BCAS3: variants seen among roughly 807,000 people sequenced by gnomAD.
BCAS3 encodes the protein BCAS3 microtubule associated cell migration factor, also known as BCAS4/BCAS3 fusion.
In BCAS3, 53 loss-of-function variants were observed where a neutral mutation model predicts 116.1. The ratio of observed to expected loss-of-function variants is 0.46; its 90% confidence interval spans 0.37 to 0.57. The LOEUF is 0.57. BCAS3 is among the 20% of genes least tolerant of loss of function. The pLI is 0.00. For missense variants in BCAS3, 917 were observed against 1,165.4 expected, an observed-to-expected ratio of 0.79 and a Z score of 3.10; for synonymous variants, 391 against 408.2, an observed-to-expected ratio of 0.96 and a Z score of 0.51.
At chr17:60,844,334 A>G (rs977482670) in intron 7 of BCAS3, among the ~76,000 whole-genome samples, 4 of 152,158 alleles carry the variant, frequency 2.6e-5, no homozygotes, top group African/African-American at 7.2e-5. Flanking sequence ...AGTTCCCTCT[A>G]CCATTCTGAG....
chr17:61,190,563 C>G (rs931573559), intron 22 of BCAS3, among the ~76,000 whole-genome samples: 1 of 145,020 alleles, frequency 6.9e-6, no homozygotes, highest in Admixed American at 7.0e-5. Flanking sequence ...CTAGCCTGGG[C>G]TACGTAGTGA....
chr17:61,045,374 G>A (rs1262650293), intron 19 of BCAS3, among the ~76,000 whole-genome samples: 1 of 151,566 alleles, frequency 6.6e-6, no homozygotes, highest in Non-Finnish European at 1.5e-5. Context: ...AGCTGAACAT[G>A]GTGATATGCA....
intron 22 of BCAS3, among the ~76,000 whole-genome samples, chr17:61,291,849 C>T (rs950097716): frequency 2.6e-5 from 4 of 152,074 alleles, no homozygotes; most frequent in Non-Finnish European, 4.4e-5. Flanking sequence ...TATGCACGCC[C>T]GTGCTGCTGT....
chr17:61,166,855 C>T (rs1176423019), intron 22 of BCAS3, among the ~76,000 whole-genome samples: 1 of 152,094 alleles, frequency 6.6e-6, no homozygotes, highest in African/African-American at 2.4e-5. Context: ...GTTGGGACTA[C>T]AGGCATGTGC....
At chr17:61,070,400 T>TATATATATATATATATATATATATATA (rs1555698457) in intron 19 of BCAS3, 1 of 180,728 alleles carries the variant, frequency 5.5e-6, no homozygotes, top group African/African-American at 2.5e-5. Flanking sequence ...TATATATATA[T>TATATATATATATATATATATATATATA]CTTTTCACCA....
At chr17:60,759,999 T>C (rs2043360976) in intron 6 of BCAS3, among the ~76,000 whole-genome samples, 1 of 152,230 alleles carries the variant, frequency 6.6e-6, no homozygotes, top group Non-Finnish European at 1.5e-5. Flanking sequence ...GTATAGCTAG[T>C]GTTGCTCACA....
intron 15 of BCAS3, among the ~76,000 whole-genome samples, chr17:60,999,627 A>G (rs1024323446): frequency 1.3e-5 from 2 of 151,660 alleles, no homozygotes; most frequent in Admixed American, 1.3e-4. Flanking sequence ...TGCTTTGGCT[A>G]TTTGGGCTCT....
At chr17:61,109,162 A>G (rs2074882826) in intron 22 of BCAS3, among the ~76,000 whole-genome samples, 1 of 150,338 alleles carries the variant, frequency 6.7e-6, no homozygotes, top group Admixed American at 6.6e-5. Flanking sequence ...CTCCAGCCTC[A>G]TGACAGGGTG....
rs148683447 is a variant in BCAS3 at position 60,809,536 on chromosome 17, G to A, written c.476+1460G>A. ...GGTTGGTTATAGAGTGTCTTCCAGG[G>A]TGAGAAAGGTTTTGAGGACTAGTAC... On this transcript the variant is annotated intron_variant, in intron 7 of 23. Transcript: ENST00000407086. Among the ~76,000 whole-genome samples, 1,472 of 152,252 alleles carry A rather than the reference G, an allele frequency of 9.7e-3. 30 individuals carry two copies. The highest frequency in any genetic ancestry group is 0.034 in the African/African-American group (1,401 of 41,540).
At chr17:60,707,445 G>A (rs1262892458) in intron 4 of BCAS3, among the ~76,000 whole-genome samples, 1 of 152,144 alleles carries the variant, frequency 6.6e-6, no homozygotes, top group Non-Finnish European at 1.5e-5. Context: ...GGGATGGGGG[G>A]TACTTAGCAC....
chr17:60,953,513 G>T (rs1005319495), intron 14 of BCAS3, among the ~76,000 whole-genome samples: 6 of 151,982 alleles, frequency 3.9e-5, no homozygotes, highest in Admixed American at 2.0e-4. Flanking sequence ...TCATTCTATA[G>T]ATTGTCTGTT....
At position 61,041,330 on chromosome 17, in the gene BCAS3, G is replaced by T. The variant is rs1411876654; in HGVS notation, c.2029+438G>T. On this transcript the variant is annotated intron_variant, in intron 19 of 23. Coordinates refer to ENST00000407086, the MANE Select transcript of BCAS3 (RefSeq NM_017679.5). The surrounding 1 kb of genome is among the most constrained non-coding windows in gnomAD (Gnocchi z 4.7). ...CTTTTCTTTTGGTAGAATTTTACTTGCAATAATGAGGTAAAGATTTCAACT... is the reference window on the plus strand; with the variant it reads ...CTTTTCTTTTGGTAGAATTTTACTTTCAATAATGAGGTAAAGATTTCAACT... Among the ~76,000 whole-genome samples the T allele has an allele frequency of 6.6e-6, 1 of 151,236 alleles. No individual in the cohort carries two copies. The highest frequency in any genetic ancestry group is 1.5e-5 in the Non-Finnish European group (1 of 67,904).
chr17:60,859,503 T>C (rs1599226036), intron 7 of BCAS3, among the ~76,000 whole-genome samples: 3 of 152,148 alleles, frequency 2.0e-5, no homozygotes, highest in South Asian at 2.1e-4. Flanking sequence ...GCTGCATTTA[T>C]GTTGCTGCAA....
intron 19 of BCAS3, among the ~76,000 whole-genome samples, chr17:61,043,739 C>A (rs1452254369): frequency 6.6e-6 from 1 of 151,940 alleles, no homozygotes; most frequent in Admixed American, 6.6e-5. Context: ...CCTGAGCTGC[C>A]AGGATATAGG....
chr17:61,257,420 CAAAAAAA>C (rs35124459), intron 22 of BCAS3, among the ~76,000 whole-genome samples: 1 of 57,214 alleles, frequency 1.7e-5, no homozygotes, highest in Non-Finnish European at 3.2e-5. Context: ...GACTCCATCT[CAAAAAAA>C]AAAAAAAAAA....
chr17:61,248,658 T>C lies in BCAS3; in HGVS notation c.2426-119669T>C, dbSNP rs1012576187. Among the ~76,000 whole-genome samples, 1 of 152,202 alleles carries C rather than the reference T, an allele frequency of 6.6e-6. No homozygotes were observed. Among genetic ancestry groups the C allele is most frequent in the Non-Finnish European group, 1.5e-5 (1 of 68,034 alleles). On this transcript the variant is annotated intron_variant, in intron 22 of 23. Coordinates refer to ENST00000407086, the MANE Select transcript of BCAS3 (RefSeq NM_017679.5). This position sits in a 1 kb window ranked among gnomAD's most constrained non-coding sequence, Gnocchi z 4.3. ...TCAGAAGTGTATCATGGTGGGAATT[T>C]AGCCAGCTTTGTGGCAGATGACCAA...
At chr17:60,868,127 G>T (rs1003765367) in intron 7 of BCAS3, among the ~76,000 whole-genome samples, 4 of 151,328 alleles carry the variant, frequency 2.6e-5, no homozygotes, top group African/African-American at 7.3e-5. Context: ...AGGTTCAAGC[G>T]ATTCTCCTGC....
At chr17:61,268,577 T>G (rs371826897) in intron 22 of BCAS3, among the ~76,000 whole-genome samples, 3 of 151,448 alleles carry the variant, frequency 2.0e-5, no homozygotes, top group South Asian at 2.1e-4. Context: ...TCTTTCTGGG[T>G]TTTTTTTGTT....
chr17:61,045,915 A>T (rs1421154963), intron 19 of BCAS3, among the ~76,000 whole-genome samples: 1 of 25,214 alleles, frequency 4.0e-5, no homozygotes, highest in Non-Finnish European at 5.3e-5. Flanking sequence ...ATATATATTT[A>T]TATATATAAT....
Sources: allele counts gnomAD v4.1 joint callset (sites outside exome capture counted in the v4.1 genomes callset), GRCh38; gene constraint gnomAD v4.1.1; non-coding constraint Gnocchi (gnomAD v3.1); transcripts MANE v1.5; gene names NCBI Gene and HGNC (gene_info 2026-07-23, HGNC 2026-07-21).